SYNCRIP: variants seen among roughly 807,000 people sequenced by gnomAD.
SYNCRIP encodes the protein heterogeneous nuclear ribonucleoprotein Q.
In SYNCRIP, 9 loss-of-function variants were observed where a neutral mutation model predicts 68.9. The ratio of observed to expected loss-of-function variants is 0.13; its 90% CI spans 0.08 to 0.23. SYNCRIP has a LOEUF of 0.23. SYNCRIP is among the 10% of genes least tolerant of loss of function. The pLI, the probability that SYNCRIP is intolerant of heterozygous loss-of-function variation, is 1.00. For synonymous variants in SYNCRIP, 258 were observed against 254.0 expected (o/e 1.02, Z -0.15); for missense variants, 414 against 770.6 (o/e 0.54, Z 5.48).
intron 7 of SYNCRIP, 37 bp from the exon 8 acceptor site, chr6:85,622,724 A>T: frequency 6.6e-7 from 1 of 1,509,822 alleles, no homozygotes; most frequent in Non-Finnish European, 9.2e-7. Flanking sequence ...AATTAGATGA[A>T]ATAACTAGCA....
intron 10 of SYNCRIP, among the ~76,000 whole-genome samples, chr6:85,618,473 G>A (rs1187229619): frequency 2.6e-5 from 4 of 152,004 alleles, no homozygotes; most frequent in East Asian, 3.9e-4. Flanking sequence ...CCCGGGAGGT[G>A]GAGGTTCCAG....
At position 85,642,468 on chromosome 6, in the gene SYNCRIP, C is replaced by T. The variant is rs114090772; in HGVS notation, c.-13+329G>A. 7.5e-3 allele frequency among the ~76,000 whole-genome samples: 1,139 copies of T among 152,304 alleles called. 15 individuals are homozygous for T. Among genetic ancestry groups the T allele is most frequent in the African/African-American group, 0.026 (1,100 of 41,576 alleles). On this transcript the variant is annotated intron_variant, in intron 1 of 10. Transcript: ENST00000369622. ...CTCGCCGCACGGCTGCAGGACAAGA[C>T]CCACTCCTCTCCGCCCACTCCCGCG...
intron 6 of SYNCRIP, among the ~76,000 whole-genome samples, chr6:85,625,953 T>C (rs745865315): frequency 6.6e-5 from 10 of 152,198 alleles, no homozygotes; most frequent in Non-Finnish European, 1.3e-4. Context: ...TGGTATCTAC[T>C]GGGTAGACAG....
downstream of SYNCRIP, chr6:85,609,508 TTTC>T (rs1480037554): frequency 4.6e-5 from 7 of 152,062 alleles, no homozygotes; most frequent in South Asian, 2.1e-4. Context: ...GGTAGAAAAG[TTTC>T]TTAAGCTAAA....
Position 85,614,789 on chromosome 6 carries a change from A to C in SYNCRIP, c.1839T>G (p.Phe613Leu). ...ACTGTTGCCCAAAAGTATCCTGATA[A>C]AACTCCTGGTTTTCAGATTTGTAAC... ...NYGYKSENQE[F>L]YQDTFGQQWK Residue 613 changes from phenylalanine (F) to leucine (L), a missense_variant, in exon 11 of 11, where the codon TTT becomes TTG. Physicochemically the swap from Phe to Leu is conservative, Grantham distance 22. Coordinates refer to ENST00000369622, the MANE Select transcript of SYNCRIP (RefSeq NM_006372.5). 9 of 1,609,486 alleles carry C rather than the reference A, an allele frequency of 5.6e-6. No homozygotes were observed. The highest frequency in any genetic ancestry group is 7.6e-6 in the Non-Finnish European group (9 of 1,178,230).
At chr6:85,610,296 T>C (rs1805140382), downstream of SYNCRIP, 1 of 151,950 alleles carries the variant, frequency 6.6e-6, no homozygotes, top group Non-Finnish European at 1.5e-5. Flanking sequence ...GATATTTAAT[T>C]TTAAAAGTAA....
At chr6:85,622,179 C>CT (rs1269997999) in intron 8 of SYNCRIP, among the ~76,000 whole-genome samples, 1 of 152,098 alleles carries the variant, frequency 6.6e-6, no homozygotes, top group African/African-American at 2.4e-5. Context: ...CGAGACCAGT[C>CT]TGACCAACAT....
intron 6 of SYNCRIP, among the ~76,000 whole-genome samples, chr6:85,630,085 G>C (rs886508879): frequency 6.6e-6 from 1 of 152,104 alleles, no homozygotes; most frequent in Non-Finnish European, 1.5e-5. Flanking sequence ...TTGTGGGCCG[G>C]GCACTGTGGC....
At chr6:85,640,169 T>G (rs1233168933) in intron 4 of SYNCRIP, 52 bp downstream of exon 4, 1 of 1,273,332 alleles carries the variant, frequency 7.9e-7, no homozygotes, top group Non-Finnish European at 1.1e-6. Flanking sequence ...TTACCAAAAT[T>G]AGGAAACAGT....
intron 6 of SYNCRIP, among the ~76,000 whole-genome samples, chr6:85,633,369 G>A (rs1394030634): frequency 4.6e-5 from 7 of 152,262 alleles, no homozygotes; most frequent in East Asian, 3.9e-4. Context: ...AGCCGAGGCC[G>A]AGACTGGGGT....
At chr6:85,630,012 G>A (rs937904821) in intron 6 of SYNCRIP, among the ~76,000 whole-genome samples, 2 of 151,320 alleles carry the variant, frequency 1.3e-5, no homozygotes, top group African/African-American at 4.9e-5. Context: ...TACACATCAT[G>A]ACAGTATACA....
Position 85,636,917 on chromosome 6 carries a change from T to C in SYNCRIP, c.666+50A>G, listed in dbSNP as rs760253856. On this transcript the variant is annotated intron_variant, in intron 6 of 10. Coordinates refer to ENST00000369622, the MANE Select transcript of SYNCRIP (RefSeq NM_006372.5). ...TAGGCACACTAAGAAAAAAACTTGA[T>C]ATTAAAGACAGTGAACGTGAAAACT... 10 of 1,521,568 alleles carry C rather than the reference T, an allele frequency of 6.6e-6. No homozygotes were observed. The Admixed American group carries it at 1.1e-4, about 17-fold the overall frequency. 94.3% of individuals were successfully genotyped at this position (1,521,568 alleles called of 1,614,324 possible).
At chr6:85,617,136 G>C (rs765935694) in intron 10 of SYNCRIP, among the ~76,000 whole-genome samples, 1 of 149,886 alleles carries the variant, frequency 6.7e-6, no homozygotes, top group Non-Finnish European at 1.5e-5. Flanking sequence ...CTAAGGGATA[G>C]AGTACCTAAC....
At chr6:85,629,091 G>A (rs1222363384) in intron 6 of SYNCRIP, among the ~76,000 whole-genome samples, 1 of 152,002 alleles carries the variant, frequency 6.6e-6, no homozygotes, top group African/African-American at 2.4e-5. Context: ...AAGGGGGTGG[G>A]GGGTGCTATG....
Position 85,619,497 on chromosome 6 carries a change from T to A in SYNCRIP, c.1009-80A>T. ...ATACCACCACCCCACCCTACAAAGT[T>A]AACTCAAATCACAATCCATTAGAAG... is the stretch of plus-strand genomic sequence containing the variant. On this transcript the variant is annotated intron_variant, in intron 8 of 10. Coordinates refer to ENST00000369622, the MANE Select transcript of SYNCRIP (RefSeq NM_006372.5). The A allele has an allele frequency of 2.3e-6, 3 of 1,310,748 alleles. No individual in the cohort carries two copies. In the East Asian group the frequency reaches 7.4e-5, roughly 32 times the overall value. 81.2% of individuals were successfully genotyped at this position (1,310,748 alleles called of 1,614,324 possible).
At chr6:85,633,797 G>C (rs1808115025) in intron 6 of SYNCRIP, among the ~76,000 whole-genome samples, 1 of 151,998 alleles carries the variant, frequency 6.6e-6, no homozygotes, top group South Asian at 2.1e-4. Context: ...GGTGCACGCT[G>C]CCTGGCTAAT....
intron 6 of SYNCRIP, among the ~76,000 whole-genome samples, chr6:85,625,246 C>G (rs16876385): frequency 0.082 from 12,473 of 152,122 alleles, 831 homozygotes; most frequent in East Asian, 0.22. Context: ...TGTGGCCCTC[C>G]TGATCCCAGG....
intron 8 of SYNCRIP, among the ~76,000 whole-genome samples, chr6:85,620,666 C>T (rs928474407): frequency 6.6e-6 from 1 of 152,182 alleles, no homozygotes; most frequent in African/African-American, 2.4e-5. Context: ...AATCAATCTA[C>T]GTCCATCAAT....
At position 85,627,037 on chromosome 6, in the gene SYNCRIP, G is replaced by A. The variant is rs549830713; in HGVS notation, c.667-2925C>T. Among the ~76,000 whole-genome samples the A allele has an allele frequency of 1.6e-4, 25 of 152,176 alleles. No individual in the cohort carries two copies. The South Asian group carries it at 1.7e-3, about 10-fold the overall frequency. On this transcript the variant is annotated intron_variant, in intron 6 of 10. Transcript: ENST00000369622. ...TCCTAGCATTTTGGGAGGCTGAGGC[G>A]GGCGAATTGCCTAAGCTCAGGAGTT...
Sources: allele counts gnomAD v4.1 joint callset (sites outside exome capture counted in the v4.1 genomes callset), GRCh38; gene constraint gnomAD v4.1.1; transcripts MANE v1.5; gene names NCBI Gene and HGNC (gene_info 2026-07-23, HGNC 2026-07-21).